Variants in JMJD1C observed in about 807,000 individuals in gnomAD.
The protein encoded by JMJD1C is jumonji domain containing 1C.
In JMJD1C, 31 loss-of-function variants were observed where a neutral mutation model predicts 245.3. The ratio of observed to expected loss-of-function variants is 0.13; its 90% CI spans 0.09 to 0.17. The LOEUF (loss-of-function observed/expected upper bound fraction) is 0.17. Among genes scored for constraint, JMJD1C ranks in the 10% least tolerant of loss-of-function variants. The pLI, the probability that JMJD1C is intolerant of heterozygous loss-of-function variation, is 1.00. For synonymous variants in JMJD1C, 1,057 were observed against 1,017.4 expected (o/e 1.04, Z -0.74); for missense variants, 2,691 against 3,000.2 (o/e 0.90, Z 2.41).
chr10:63,515,349 C>G (rs1954985619), intron 1 of JMJD1C, among the ~76,000 whole-genome samples: 1 of 152,198 alleles, frequency 6.6e-6, no homozygotes, highest in South Asian at 2.1e-4. Context: ...TGTTTCACTT[C>G]TCCCTTCTCC....
At chr10:63,447,599 T>C (rs976748920) in intron 1 of JMJD1C, among the ~76,000 whole-genome samples, 9 of 152,148 alleles carry the variant, frequency 5.9e-5, no homozygotes, top group African/African-American at 1.9e-4. Flanking sequence ...CCAAATTACT[T>C]AGATGGACAG....
At chr10:63,422,132 C>T (rs926924155) in intron 1 of JMJD1C, among the ~76,000 whole-genome samples, 2 of 152,160 alleles carry the variant, frequency 1.3e-5, no homozygotes, top group East Asian at 3.8e-4. Flanking sequence ...AAAGAAGGGG[C>T]TGGGCGCAGC....
chr10:63,351,801 TA>T (rs1034052746), intron 2 of JMJD1C, among the ~76,000 whole-genome samples: 5 of 151,696 alleles, frequency 3.3e-5, no homozygotes, highest in African/African-American at 9.7e-5. Flanking sequence ...AAATACGGCT[TA>T]AAAAAAAATC....
At chr10:63,490,205 T>C (rs978225043) in intron 1 of JMJD1C, among the ~76,000 whole-genome samples, 1 of 152,152 alleles carries the variant, frequency 6.6e-6, no homozygotes, top group Non-Finnish European at 1.5e-5. Context: ...ACCTGAGCCT[T>C]GCACATGCTG....
chr10:63,304,909 G>A (rs1231587664), intron 2 of JMJD1C, among the ~76,000 whole-genome samples: 1 of 152,152 alleles, frequency 6.6e-6, no homozygotes, highest in Non-Finnish European at 1.5e-5. Context: ...TGACGCAGGA[G>A]GATCACTTGA....
In JMJD1C at chr10:63,233,777, AC is replaced by A. The variant is rs1247647688; in HGVS notation, c.448-13795del. Among the ~76,000 whole-genome samples the A allele has an allele frequency of 1.1e-4, 16 of 143,078 alleles. 1 individual carries two copies. Among genetic ancestry groups the A allele is most frequent in the African/African-American group, 4.0e-4 (16 of 40,042 alleles). The allele number at this position is 143,078 out of a possible 152,430, so 93.9% of individuals were successfully genotyped here. A position where few individuals can be genotyped will look rare whatever the true frequency, so the allele number is the denominator to read the frequency against. On this transcript the variant is annotated intron_variant, in intron 3 of 25. Coordinates refer to ENST00000399262, the MANE Select transcript of JMJD1C (RefSeq NM_032776.3). ...CGCGTGCACACACACACACACACAC[AC>A]ACACACCACCACCAGGATATATAAC...
chr10:63,202,744 T>A (rs897828313), intron 10 of JMJD1C: 1 of 985,336 alleles, frequency 1.0e-6, no homozygotes, highest in African/African-American at 1.7e-5. Context: ...GTAAAATGTT[T>A]ATTTCCTCCA....
At chr10:63,286,971 C>T (rs897525065) in intron 2 of JMJD1C, among the ~76,000 whole-genome samples, 2 of 152,100 alleles carry the variant, frequency 1.3e-5, no homozygotes, top group Non-Finnish European at 2.9e-5. Context: ...AAAGAAGACA[C>T]GAGAAACCAG....
chr10:63,301,719 A>C (rs1445652690), intron 2 of JMJD1C: 1 of 450,764 alleles, frequency 2.2e-6, no homozygotes. Flanking sequence ...GCAGGGATTA[A>C]AACCTTGATG....
chr10:63,178,371 G>T (rs1843063787), intron 22 of JMJD1C, among the ~76,000 whole-genome samples: 1 of 152,180 alleles, frequency 6.6e-6, no homozygotes, highest in Non-Finnish European at 1.5e-5. Context: ...AGAAGCAGGA[G>T]ATAGAAAACC....
At chr10:63,282,056 T>C (rs1857470497) in intron 2 of JMJD1C, among the ~76,000 whole-genome samples, 1 of 152,184 alleles carries the variant, frequency 6.6e-6, no homozygotes, top group South Asian at 2.1e-4. Context: ...TTCCTAATCG[T>C]TTCATTGTTT....
chr10:63,212,173 G>C (rs1388656957), intron 8 of JMJD1C, among the ~76,000 whole-genome samples: 1 of 152,170 alleles, frequency 6.6e-6, no homozygotes, highest in Non-Finnish European at 1.5e-5. Context: ...TGGCAGGGAA[G>C]GGGAGTTAGT....
intron 2 of JMJD1C, among the ~76,000 whole-genome samples, chr10:63,330,821 C>T (rs541785314): frequency 1.3e-5 from 2 of 152,256 alleles, no homozygotes; most frequent in African/African-American, 2.4e-5. Context: ...ATCTTCAATG[C>T]TCCACTAAAA....
chr10:63,365,184 CT>C (rs1305198190), intron 2 of JMJD1C, among the ~76,000 whole-genome samples: 2 of 152,250 alleles, frequency 1.3e-5, no homozygotes, highest in Non-Finnish European at 2.9e-5. Flanking sequence ...TCATCCTCCT[CT>C]GTATCACTTT....
intron 3 of JMJD1C, among the ~76,000 whole-genome samples, chr10:63,234,175 G>A (rs544078584): frequency 1.3e-5 from 2 of 150,390 alleles, no homozygotes; most frequent in African/African-American, 4.8e-5. Flanking sequence ...CCAGAGTTAC[G>A]AGAAGTCTAG....
At chr10:63,184,964 T>C (rs1843949733) in intron 20 of JMJD1C, among the ~76,000 whole-genome samples, 1 of 152,078 alleles carries the variant, frequency 6.6e-6, no homozygotes. Context: ...GGGTCCTGTG[T>C]TCTCTTTTTT....
intron 1 of JMJD1C, among the ~76,000 whole-genome samples, chr10:63,416,496 C>A (rs1165117390): frequency 1.3e-5 from 2 of 152,012 alleles, no homozygotes; most frequent in African/African-American, 2.4e-5. Context: ...TTAAACATTT[C>A]TTTGGCATGT....
intron 1 of JMJD1C, among the ~76,000 whole-genome samples, chr10:63,491,394 C>T (rs946580886): frequency 6.6e-6 from 1 of 152,098 alleles, no homozygotes; most frequent in Non-Finnish European, 1.5e-5. Flanking sequence ...TAAGATATTA[C>T]ATAAAGACCC....
chr10:63,253,233 T>A (rs945789219), intron 3 of JMJD1C, among the ~76,000 whole-genome samples: 1 of 152,110 alleles, frequency 6.6e-6, no homozygotes. Context: ...GGGACCAGAA[T>A]AGAGAGCACA....
Sources: allele counts gnomAD v4.1 joint callset (sites outside exome capture counted in the v4.1 genomes callset), GRCh38; gene constraint gnomAD v4.1.1; transcripts MANE v1.5; gene names NCBI Gene and HGNC (gene_info 2026-07-23, HGNC 2026-07-21).